ATP9A: variants seen among roughly 807,000 people sequenced by gnomAD.
ATP9A encodes the protein ATPase phospholipid transporting 9A, also known as probable phospholipid-transporting ATPase IIA.
In ATP9A, 52 loss-of-function variants were observed where a neutral mutation model predicts 144.1. The observed-to-expected ratio is 0.36, with a 90% CI of 0.29 to 0.45. The LOEUF is 0.45. Among genes scored for constraint, ATP9A ranks in the 20% least tolerant of loss-of-function variants. The pLI is 1.00. For synonymous variants in ATP9A, 582 were observed against 557.4 expected (o/e 1.04, Z -0.62); for missense variants, 947 against 1,392.7 (o/e 0.68, Z 5.09).
chr20:51,657,814 G>C (rs1037924179), intron 13 of ATP9A, among the ~76,000 whole-genome samples: 3 of 152,188 alleles, frequency 2.0e-5, no homozygotes, highest in African/African-American at 7.2e-5. Context: ...ACCTTGGCCG[G>C]ATGGGACTCA....
intron 14 of ATP9A, among the ~76,000 whole-genome samples, chr20:51,645,755 C>T (rs559970407): frequency 1.3e-5 from 2 of 152,286 alleles, no homozygotes; most frequent in Non-Finnish European, 2.9e-5. Flanking sequence ...TAACACCTCT[C>T]GATTGTGGGC....
intron 1 of ATP9A, among the ~76,000 whole-genome samples, chr20:51,759,178 C>T (rs2077868767): frequency 6.6e-6 from 1 of 152,202 alleles, no homozygotes; most frequent in South Asian, 2.1e-4. Flanking sequence ...GGGCCGCTGC[C>T]AAGCTCCACT....
chr20:51,641,380 G>A (rs1177001398), intron 14 of ATP9A, among the ~76,000 whole-genome samples: 2 of 151,834 alleles, frequency 1.3e-5, no homozygotes, highest in Admixed American at 6.6e-5. Flanking sequence ...TATTATTAGG[G>A]TGGGGTGGTG....
At chr20:51,603,764 A>G (rs2077152279) in intron 27 of ATP9A, among the ~76,000 whole-genome samples, 1 of 94,968 alleles carries the variant, frequency 1.1e-5, no homozygotes, top group South Asian at 4.0e-4. Flanking sequence ...TTCCCATAAC[A>G]TTTTTTATTA....
At chr20:51,650,981 T>C (rs960608690) in intron 14 of ATP9A, among the ~76,000 whole-genome samples, 1 of 151,452 alleles carries the variant, frequency 6.6e-6, no homozygotes, top group Admixed American at 6.6e-5. Context: ...GACTTTCTTT[T>C]TTTTAAATTT....
At chr20:51,652,240 T>C (rs115420944) in intron 14 of ATP9A, among the ~76,000 whole-genome samples, 172 of 152,360 alleles carry the variant, frequency 1.1e-3, no homozygotes, top group African/African-American at 3.9e-3. Flanking sequence ...CGTGACTTAC[T>C]GTACGGTGGC....
At position 51,676,131 on chromosome 20, in the gene ATP9A, C is replaced by T; in HGVS notation, c.876+1G>A. The T allele has an allele frequency of 6.2e-7, 1 of 1,612,824 alleles. No individual in the cohort carries two copies. Among genetic ancestry groups the T allele is most frequent in the Non-Finnish European group, 8.5e-7 (1 of 1,179,382 alleles). On this transcript the variant is annotated splice_donor_variant, in intron 10 of 27. Coordinates refer to ENST00000338821, the MANE Select transcript of ATP9A (RefSeq NM_006045.3). LOFTEE classifies it high-confidence loss of function. ...AATGTACCCCATGACCTCGTACACA[C>T]CTTACTTCGGGGATTTGAGGTATTC...
At chr20:51,660,240 G>C (rs1036847396) in intron 13 of ATP9A, among the ~76,000 whole-genome samples, 1 of 152,120 alleles carries the variant, frequency 6.6e-6, no homozygotes, top group Non-Finnish European at 1.5e-5. Flanking sequence ...CAGTATCCAC[G>C]GATTTAAATG....
At chr20:51,668,315 G>A (rs1184601351) in intron 13 of ATP9A, among the ~76,000 whole-genome samples, 1 of 151,796 alleles carries the variant, frequency 6.6e-6, no homozygotes, top group Non-Finnish European at 1.5e-5. Flanking sequence ...AGCAGCCCTG[G>A]GAGAGAATAG....
At chr20:51,704,814 T>A (rs927326771) in intron 4 of ATP9A, among the ~76,000 whole-genome samples, 2 of 152,140 alleles carry the variant, frequency 1.3e-5, no homozygotes, top group African/African-American at 4.8e-5. Context: ...AAAAAAACTT[T>A]ATATCTGTAC....
intron 19 of ATP9A, among the ~76,000 whole-genome samples, chr20:51,621,261 A>T (rs866276684): frequency 6.6e-6 from 1 of 152,224 alleles, no homozygotes; most frequent in Middle Eastern, 3.4e-3. Flanking sequence ...ATTCACAAAG[A>T]ATCTGTGAAT....
rs764422261 is a variant in ATP9A, at chr20:51,656,964, C to T, written c.1480G>A (p.Val494Ile). Reference protein sequence around the residue: ...AEKQYEDSCRVYQASSPDEVA... With the variant: ...AEKQYEDSCRIYQASSPDEVA... ...TCATCGGGGCTGGATGCCTGGTATA[C>T]GCGGCAGGAGTCTTCGTACTGCTTC... The change falls in exon 14 of 28, where the codon GTA (valine) becomes ATA (isoleucine). Residue 494 changes from valine to isoleucine, a missense_variant. Transcript: ENST00000338821. The T allele has an allele frequency of 4.8e-5, 77 of 1,614,036 alleles. No homozygotes were observed. Among genetic ancestry groups the T allele is most frequent in the South Asian group, 1.3e-4 (12 of 91,060 alleles).
chr20:51,624,682 A>T lies in ATP9A; in HGVS notation c.2016+510T>A, dbSNP rs569722918. On this transcript the variant is annotated intron_variant, in intron 18 of 27. Coordinates refer to ENST00000338821, the MANE Select transcript of ATP9A (RefSeq NM_006045.3). ...GTCAGGGGAGTCATCGGTACAGTAA[A>T]GGCAAACGCTACACAAGATGTCTTC... Among the ~76,000 whole-genome samples the T allele has an allele frequency of 7.9e-5, 12 of 152,208 alleles. No individual in the cohort carries two copies. The South Asian group carries it at 2.3e-3, about 29-fold the overall frequency.
intron 15 of ATP9A, among the ~76,000 whole-genome samples, chr20:51,634,303 T>C (rs1231593419): frequency 1.3e-5 from 2 of 152,076 alleles, no homozygotes; most frequent in African/African-American, 2.4e-5. Flanking sequence ...ATTAAAGTAA[T>C]TCGATAGGAG....
At chr20:51,679,747 A>T (rs1269554546) in intron 9 of ATP9A, among the ~76,000 whole-genome samples, 3 of 152,208 alleles carry the variant, frequency 2.0e-5, no homozygotes, top group African/African-American at 7.2e-5. Context: ...ACTCTCTGGA[A>T]CAGTGTGGTG....
intron 9 of ATP9A, among the ~76,000 whole-genome samples, chr20:51,678,909 C>T (rs6126294): frequency 1.3e-5 from 2 of 152,232 alleles, no homozygotes; most frequent in Non-Finnish European, 2.9e-5. Flanking sequence ...CAGCCTCATC[C>T]TCAGTGAGAC....
At chr20:51,767,189 G>T (rs1321437481) in intron 1 of ATP9A, among the ~76,000 whole-genome samples, 1 of 151,890 alleles carries the variant, frequency 6.6e-6, no homozygotes, top group South Asian at 2.1e-4. Flanking sequence ...GCCGCCACCG[G>T]GAAATGCCCA....
intron 13 of ATP9A, among the ~76,000 whole-genome samples, chr20:51,666,688 A>T (rs947536331): frequency 2.0e-5 from 3 of 151,750 alleles, no homozygotes; most frequent in Admixed American, 6.6e-5. Flanking sequence ...TTAAAAAAAA[A>T]AAAAAAAGAA....
At chr20:51,715,869 T>C (rs1351300471) in intron 3 of ATP9A, among the ~76,000 whole-genome samples, 1 of 152,184 alleles carries the variant, frequency 6.6e-6, no homozygotes, top group South Asian at 2.1e-4. Context: ...GAGGCAGCTG[T>C]TGGAGCTGGT....
Sources: gnomAD v4.1 joint callset for allele counts (sites outside exome capture counted in the v4.1 genomes callset) on GRCh38, gnomAD v4.1.1 for gene constraint, MANE v1.5 for transcripts, NCBI Gene and HGNC (gene_info 2026-07-23, HGNC 2026-07-21) for gene names.